YEATS2: variants seen among roughly 807,000 people sequenced by gnomAD.
The protein encoded by YEATS2 is YEATS domain containing 2.
Under a neutral mutation model 163.2 loss-of-function variants are expected in YEATS2, and 77 were observed. The observed-to-expected ratio is 0.47, with a 90% CI of 0.39 to 0.57. YEATS2 has a LOEUF of 0.57. YEATS2 is among the 20% of genes least tolerant of loss of function. YEATS2 has a pLI of 0.00. For synonymous variants in YEATS2, 631 were observed against 645.1 expected, an observed-to-expected ratio of 0.98 and a Z score of 0.33; for missense variants, 1,549 against 1,729.8, an observed-to-expected ratio of 0.90 and a Z score of 1.85.
intron 20 of YEATS2, among the ~76,000 whole-genome samples, chr3:183,789,817 G>A (rs571878194): frequency 6.6e-6 from 1 of 152,100 alleles, no homozygotes; most frequent in East Asian, 1.9e-4. Context: ...GGGATTATAG[G>A]CATGAGCCAC....
chr3:183,718,552 C>A lies in YEATS2; in HGVS notation c.251C>A (p.Ala84Glu), dbSNP rs919411369. 7 of 1,613,492 alleles carry A rather than the reference C, an allele frequency of 4.3e-6. No homozygotes were observed. Among genetic ancestry groups the A allele is most frequent in the Admixed American group, 3.3e-5 (2 of 59,904 alleles). Residue 84 changes from alanine (A) to glutamate (E), a missense_variant, in exon 4 of 31, where the codon GCA (alanine) becomes GAA (glutamate). By Grantham distance (107) the Ala-to-Glu change is moderately radical (BLOSUM62 -1). Transcript: ENST00000305135. ...MMDKLRACIV[A>E]NYYASAGLLK... ...GATAAACTGCGTGCCTGCATTGTAG[C>A]AAACTACTATGCTTCTGCAGGTCTT...
chr3:183,807,873 T>C (rs886966571), intron 28 of YEATS2, 157 bp from the exon 29 acceptor site: 2 of 584,614 alleles, frequency 3.4e-6, no homozygotes, highest in Non-Finnish European at 6.2e-6. Flanking sequence ...CTAGATGTTA[T>C]ATTCCGTGTT....
At chr3:183,772,176 A>T (rs1362392244) in intron 15 of YEATS2, 129 bp from the exon 16 acceptor site, 1 of 1,264,692 alleles carries the variant, frequency 7.9e-7, no homozygotes, top group Non-Finnish European at 1.1e-6. Flanking sequence ...CTGTGTAGGT[A>T]GCTTTCCTAG....
intron 14 of YEATS2, among the ~76,000 whole-genome samples, 196 bp from the exon 15 acceptor site, chr3:183,761,901 C>T (rs1003545306): frequency 3.3e-5 from 5 of 152,188 alleles, no homozygotes; most frequent in Non-Finnish European, 7.3e-5. Context: ...TCAGATCCTA[C>T]TTTTGGTCCC....
At chr3:183,712,012 T>G (rs1460699185) in intron 1 of YEATS2, among the ~76,000 whole-genome samples, 1 of 150,862 alleles carries the variant, frequency 6.6e-6, no homozygotes, top group South Asian at 2.1e-4. Flanking sequence ...TAGAGATGGA[T>G]TTTCACCATG....
At chr3:183,800,024 G>A (rs1425520307) in intron 23 of YEATS2, among the ~76,000 whole-genome samples, 1 of 151,842 alleles carries the variant, frequency 6.6e-6, no homozygotes, top group Non-Finnish European at 1.5e-5. Flanking sequence ...AGTAGAGATG[G>A]GGTTTCACCA....
chr3:183,780,428 G>C lies in YEATS2; in HGVS notation c.2736+2728G>C, dbSNP rs539088849. On this transcript the variant is annotated intron_variant, in intron 19 of 30. Coordinates refer to ENST00000305135, the MANE Select transcript of YEATS2 (RefSeq NM_018023.5). ...ATTCTCCTGGCGTGTCCCACGTAAGGCTTTTATCACTTGGCGAGGCTTTCT... is the reference window on the plus strand; with the variant it reads ...ATTCTCCTGGCGTGTCCCACGTAAGCCTTTTATCACTTGGCGAGGCTTTCT... 4.6e-5 allele frequency among the ~76,000 whole-genome samples: 7 copies of C among 152,304 alleles called. No individual in the cohort carries two copies. The East Asian group carries it at 7.7e-4, about 17-fold the overall frequency.
At chr3:183,801,205 T>A (rs1292120183) in intron 24 of YEATS2, 1 of 348,802 alleles carries the variant, frequency 2.9e-6, no homozygotes, top group African/African-American at 2.1e-5. Flanking sequence ...AAGGTGTAGA[T>A]TAAATGTCTG....
Position 183,739,124 on chromosome 3 carries a change from G to T in YEATS2, c.924+2295G>T, listed in dbSNP as rs536759609. Among the ~76,000 whole-genome samples the T allele has an allele frequency of 3.3e-5, 5 of 151,990 alleles. No individual in the cohort carries two copies. The East Asian group carries it at 9.7e-4, about 29-fold the overall frequency. ...CTGGTGTGAGATGATATCTCATAGT[G>T]GTTTTGATTTGCATTTCTCTGATTA... On this transcript the variant is annotated intron_variant, in intron 8 of 30. Coordinates refer to ENST00000305135, the MANE Select transcript of YEATS2 (RefSeq NM_018023.5).
chr3:183,752,270 C>G lies in YEATS2; in HGVS notation c.1150+17C>G. 6.2e-7 allele frequency: 1 copy of G among 1,614,030 alleles called. No individual in the cohort carries two copies. Among genetic ancestry groups the G allele is most frequent in the South Asian group, 1.1e-5 (1 of 91,070 alleles). On this transcript the variant is annotated intron_variant, in intron 10 of 30. Transcript: ENST00000305135. ...TGGAGAAAGGTAATACAGCAGTTTTCCTTGCATAGCGTTGTTCTGAGGCAT... is the reference window on the plus strand; with the variant it reads ...TGGAGAAAGGTAATACAGCAGTTTTGCTTGCATAGCGTTGTTCTGAGGCAT...
At chr3:183,698,389 C>G (rs192896636) in intron 1 of YEATS2, among the ~76,000 whole-genome samples, 8 of 152,264 alleles carry the variant, frequency 5.3e-5, no homozygotes, top group Admixed American at 5.2e-4. Flanking sequence ...CAACCTGTCG[C>G]CATCCCCACC....
rs753388806 is a variant in YEATS2 at position 183,736,851 on chromosome 3, C to T, written c.924+22C>T. 3.7e-5 allele frequency: 59 copies of T among 1,591,110 alleles called. 1 individual carries two copies. The South Asian group carries it at 6.4e-4, about 17-fold the overall frequency. The stretch of plus-strand genomic sequence containing the variant: ...GAAGGTATTGTAACAAAACATTGCT[C>T]CCTAGTTTTGAAGTCTCTTTTTACC... On this transcript the variant is annotated intron_variant, in intron 8 of 30. Coordinates refer to ENST00000305135, the MANE Select transcript of YEATS2 (RefSeq NM_018023.5).
At chr3:183,792,329 T>C (rs1724734535) in intron 21 of YEATS2, among the ~76,000 whole-genome samples, 2 of 152,048 alleles carry the variant, frequency 1.3e-5, no homozygotes. Flanking sequence ...CGGTGTGTGA[T>C]GTTCCCCTCC....
chr3:183,787,291 T>C (rs982708719), intron 20 of YEATS2, among the ~76,000 whole-genome samples: 1 of 152,146 alleles, frequency 6.6e-6, no homozygotes, highest in Non-Finnish European at 1.5e-5. Context: ...ACTGCTAAAC[T>C]GTTTTCCCAA....
intron 1 of YEATS2, among the ~76,000 whole-genome samples, chr3:183,698,230 T>G (rs1713686172): frequency 6.6e-6 from 1 of 152,116 alleles, no homozygotes; most frequent in Non-Finnish European, 1.5e-5. Context: ...GGGCTTCCTC[T>G]TCAGCGGGGC....
Position 183,791,065 on chromosome 3 carries a change from A to G in YEATS2, c.3097+85A>G. 3.3e-6 allele frequency: 5 copies of G among 1,528,506 alleles called. No homozygotes were observed. In the South Asian group the frequency reaches 6.2e-5, roughly 19 times the overall value. 94.7% of individuals were successfully genotyped at this position (1,528,506 alleles called of 1,614,324 possible). On this transcript the variant is annotated intron_variant, in intron 21 of 30. Transcript: ENST00000305135. ...GTTTGTTTGTTTGAGATAGCGTCTC[A>G]CTCTGTCGCCCAAGCTAGAGTGCAA... is the stretch of plus-strand genomic sequence containing the variant.
chr3:183,802,519 A>ATATATCTATACACGTG (rs1553884469), intron 25 of YEATS2: 1 of 62,362 alleles, frequency 1.6e-5, no homozygotes, highest in Non-Finnish European at 4.2e-5. Context: ...GTATACATGT[A>ATATATCTATACACGTG]TATATATATA....
chr3:183,806,151 G>C (rs890573982), intron 27 of YEATS2: 1 of 376,352 alleles, frequency 2.7e-6, no homozygotes, highest in Non-Finnish European at 5.2e-6. Flanking sequence ...TCCAGATAAG[G>C]CCATCGTAAG....
chr3:183,792,851 C>T (rs889364248), intron 21 of YEATS2, among the ~76,000 whole-genome samples: 1 of 152,160 alleles, frequency 6.6e-6, no homozygotes, highest in African/African-American at 2.4e-5. Flanking sequence ...CACAATTTGA[C>T]CTCCATTGAC....
Sources: allele counts gnomAD v4.1 joint callset (sites outside exome capture counted in the v4.1 genomes callset), GRCh38; gene constraint gnomAD v4.1.1; transcripts MANE v1.5; gene names NCBI Gene and HGNC (gene_info 2026-07-23, HGNC 2026-07-21).